The following BLTP1 variants were observed in gnomAD, a reference collection of about 807,000 sequenced individuals.
BLTP1 encodes the protein bridge-like lipid transfer protein family member 1, also known as fragile site-associated protein.
the BLTP1 span, chr4:122,334,476 C>T: frequency 1.2e-6 from 2 of 1,612,876 alleles, no homozygotes; most frequent in Non-Finnish European, 1.7e-6. Context: ...TCCTTCTCCT[C>T]CTTTACCTTC....
At chr4:122,315,848 A>T in the BLTP1 span, among the ~76,000 whole-genome samples, 1 of 152,132 alleles carries the variant, frequency 6.6e-6, no homozygotes, top group Admixed American at 6.6e-5. Flanking sequence ...CTGTCTTTTA[A>T]TCGAGTTCTG....
At chr4:122,326,913 TGAA>T in the BLTP1 span, among the ~76,000 whole-genome samples, 1 of 151,728 alleles carries the variant, frequency 6.6e-6, no homozygotes, top group Non-Finnish European at 1.5e-5. Flanking sequence ...CTATATAAAA[TGAA>T]GAACACCTGG....
the BLTP1 span, among the ~76,000 whole-genome samples, chr4:122,211,522 A>G: frequency 2.0e-3 from 303 of 152,260 alleles, 1 homozygote; most frequent in African/African-American, 7.0e-3. Flanking sequence ...ATAAGTGACA[A>G]CGTTTTATGA....
the BLTP1 span, among the ~76,000 whole-genome samples, chr4:122,157,368 C>T: frequency 1.3e-5 from 2 of 152,026 alleles, no homozygotes; most frequent in South Asian, 4.2e-4. Context: ...CTTTTTGGCA[C>T]TAGGGACCAG....
the BLTP1 span, among the ~76,000 whole-genome samples, chr4:122,253,709 A>G: frequency 6.6e-6 from 1 of 152,200 alleles, no homozygotes; most frequent in South Asian, 2.1e-4. Flanking sequence ...GAGAAGGTAG[A>G]GAAAGACGGG....
chr4:122,236,338 A>G, the BLTP1 span, among the ~76,000 whole-genome samples: 4,313 of 152,336 alleles, frequency 0.028, 136 homozygotes, highest in African/African-American at 0.08. Flanking sequence ...ATCAGCAAAC[A>G]CCAAAACTTC....
the BLTP1 span, among the ~76,000 whole-genome samples, chr4:122,285,560 T>C: frequency 1.3e-5 from 2 of 152,220 alleles, no homozygotes; most frequent in Non-Finnish European, 1.5e-5. Flanking sequence ...TAACTCATTC[T>C]AGGTGCAAAC....
the BLTP1 span, among the ~76,000 whole-genome samples, chr4:122,201,583 C>T: frequency 6.6e-6 from 1 of 152,178 alleles, no homozygotes; most frequent in African/African-American, 2.4e-5. Context: ...TTGGTGCTGT[C>T]ACTAGTTGGA....
chr4:122,157,205 G>C, the BLTP1 span, among the ~76,000 whole-genome samples: 1 of 152,110 alleles, frequency 6.6e-6, no homozygotes, highest in Non-Finnish European at 1.5e-5. Flanking sequence ...CCAGAACTTA[G>C]GGGTTTAAAC....
At chr4:122,215,674 C>T in the BLTP1 span, 2 of 591,492 alleles carry the variant, frequency 3.4e-6, no homozygotes, top group Non-Finnish European at 4.3e-6. Context: ...CTTTGAACAT[C>T]TTTAAGTTTT....
the BLTP1 span, chr4:122,272,433 T>G: frequency 6.5e-7 from 1 of 1,544,756 alleles, no homozygotes; most frequent in East Asian, 2.3e-5. Context: ...AATAAAGTGC[T>G]ATGTATACAT....
chr4:122,240,276 C>T, the BLTP1 span: 4 of 1,613,946 alleles, frequency 2.5e-6, no homozygotes, highest in African/African-American at 1.3e-5. Flanking sequence ...CTCATTGCAT[C>T]GTCCCCTTGA....
At chr4:122,316,597 C>A in the BLTP1 span, 1 of 1,188,592 alleles carries the variant, frequency 8.4e-7, no homozygotes, top group Non-Finnish European at 1.2e-6. Context: ...GGATTTAAAT[C>A]AATGGAGAAT....
At chr4:122,330,007 T>C in the BLTP1 span, among the ~76,000 whole-genome samples, 1 of 151,854 alleles carries the variant, frequency 6.6e-6, no homozygotes, top group Admixed American at 6.6e-5. Context: ...GCATACTTCA[T>C]GTAGCATAAT....
chr4:122,276,481 A>C, the BLTP1 span: 1 of 982,790 alleles, frequency 1.0e-6, no homozygotes, highest in Non-Finnish European at 1.2e-6. Context: ...CTGTTAATAG[A>C]TTTTCATGGC....
At chr4:122,348,508 C>T in the BLTP1 span, 2 of 1,427,956 alleles carry the variant, frequency 1.4e-6, no homozygotes, top group Non-Finnish European at 1.9e-6. Context: ...ATAGTTTTTG[C>T]TTTGTAACTA....
At chr4:122,240,916 T>C in the BLTP1 span, among the ~76,000 whole-genome samples, 2 of 152,220 alleles carry the variant, frequency 1.3e-5, no homozygotes, top group African/African-American at 4.8e-5. Context: ...TAAATGCTTA[T>C]TTAGTTATTC....
chr4:122,219,431 G>T, the BLTP1 span: 3 of 1,614,074 alleles, frequency 1.9e-6, no homozygotes, highest in Non-Finnish European at 2.5e-6. Flanking sequence ...TCCAGCTCTG[G>T]GTGGACTGCT....
chr4:122,159,463 A>G, the BLTP1 span, among the ~76,000 whole-genome samples: 2 of 146,914 alleles, frequency 1.4e-5, no homozygotes, highest in African/African-American at 2.5e-5. Context: ...CTCTGTCCCA[A>G]AAAAAAAAAA....
Sources: gnomAD v4.1 joint callset for allele counts (sites outside exome capture counted in the v4.1 genomes callset) on GRCh38, gnomAD v4.1.1 for gene constraint, MANE v1.5 for transcripts, NCBI Gene and HGNC (gene_info 2026-07-23, HGNC 2026-07-21) for gene names.